GRAMD1C: variants seen among roughly 807,000 people sequenced by gnomAD.
GRAMD1C encodes GRAM domain containing 1C, also known as protein Aster-C.
Under a neutral mutation model 97.8 loss-of-function variants are expected in GRAMD1C, and 89 were observed. That is an observed-to-expected ratio of 0.91 (90% confidence interval 0.77 to 1.09). GRAMD1C has a LOEUF of 1.09. Among genes scored for constraint, GRAMD1C ranks in the 50% least tolerant of loss-of-function variants. The probability of loss-of-function intolerance (pLI) is 0.00; values close to 1 mark genes in which losing one functional copy is unlikely to be tolerated. For synonymous variants in GRAMD1C, 256 were observed against 267.0 expected, an observed-to-expected ratio of 0.96 and a Z score of 0.40; for missense variants, 740 against 766.4, an observed-to-expected ratio of 0.97 and a Z score of 0.41.
intron 4 of GRAMD1C, 25 bp from the exon 5 acceptor site, chr3:113,876,140 T>A: frequency 8.9e-7 from 1 of 1,118,788 alleles, no homozygotes; most frequent in East Asian, 2.3e-5. Flanking sequence ...GAAAAATACA[T>A]TAAAAAAATT....
intron 7 of GRAMD1C, among the ~76,000 whole-genome samples, chr3:113,903,600 A>T (rs1482286798): frequency 6.6e-6 from 1 of 152,102 alleles, no homozygotes; most frequent in Non-Finnish European, 1.5e-5. Context: ...TGGCCATATG[A>T]TCATTTGACA....
rs1441805311 is a variant in GRAMD1C at position 113,885,345 on chromosome 3, CGCT to C, written c.540+2516_540+2518del. 1.4e-5 allele frequency: 23 copies of C among 1,592,084 alleles called. 1 individual carries two copies. The highest frequency in any genetic ancestry group is 2.0e-5 in the Non-Finnish European group (23 of 1,162,736). ...TGGGACTGCGCACGTTCGTGGCCTTCGCTGCCAAGCTCTGGAGCTTCTTCATTT... is the reference window on the plus strand; with the variant it reads ...TGGGACTGCGCACGTTCGTGGCCTTCGCCAAGCTCTGGAGCTTCTTCATTT... On this transcript the variant is annotated intron_variant, in intron 6 of 17. Transcript: ENST00000358160.
intron 2 of GRAMD1C, among the ~76,000 whole-genome samples, chr3:113,853,117 A>G (rs911030542): frequency 2.6e-5 from 4 of 152,252 alleles, no homozygotes; most frequent in African/African-American, 9.6e-5. Flanking sequence ...AAGTAGTATA[A>G]ATGGATAGGA....
At chr3:113,934,935 G>A (rs1488155451) in intron 13 of GRAMD1C, among the ~76,000 whole-genome samples, 4 of 151,890 alleles carry the variant, frequency 2.6e-5, no homozygotes, top group African/African-American at 9.7e-5. Flanking sequence ...GTAGAGACGA[G>A]GTTTCACCAT....
intron 17 of GRAMD1C, 46 bp from the exon 18 acceptor site, chr3:113,945,352 T>C: frequency 8.0e-7 from 1 of 1,248,060 alleles, no homozygotes. Flanking sequence ...TTTTCAAATC[T>C]GATTAGAAAA....
chr3:113,940,430 C>A, intron 17 of GRAMD1C, 85 bp downstream of exon 17: 2 of 769,840 alleles, frequency 2.6e-6, no homozygotes, highest in Admixed American at 4.4e-5. Flanking sequence ...GAATATTTAC[C>A]CTACTATCGT....
chr3:113,921,890 A>G (rs1467782566), intron 10 of GRAMD1C, among the ~76,000 whole-genome samples: 2 of 151,820 alleles, frequency 1.3e-5, no homozygotes, highest in Non-Finnish European at 2.9e-5. Flanking sequence ...GTTTGTAAAT[A>G]TTTTCTCCCA....
chr3:113,851,631 G>A (rs1479412638), intron 2 of GRAMD1C, among the ~76,000 whole-genome samples: 3 of 149,712 alleles, frequency 2.0e-5, no homozygotes, highest in Non-Finnish European at 3.0e-5. Context: ...TGATTCTCCT[G>A]CCTCAGCCTC....
chr3:113,938,052 C>G, intron 14 of GRAMD1C, 34 bp from the exon 15 acceptor site: 1 of 1,115,908 alleles, frequency 9.0e-7, no homozygotes, highest in Non-Finnish European at 1.3e-6. Flanking sequence ...TCACAATTCT[C>G]ATTCTAATGC....
intron 2 of GRAMD1C, among the ~76,000 whole-genome samples, chr3:113,864,704 A>C (rs534214355): frequency 2.6e-5 from 4 of 152,312 alleles, no homozygotes; most frequent in African/African-American, 7.2e-5. Flanking sequence ...CCACATTTCT[A>C]CGGACGTTCT....
At chr3:113,929,432 C>A (rs1241823126) in intron 10 of GRAMD1C, among the ~76,000 whole-genome samples, 1 of 152,176 alleles carries the variant, frequency 6.6e-6, no homozygotes, top group Non-Finnish European at 1.5e-5. Flanking sequence ...ACAAGGGTAA[C>A]ATTCATGGGA....
intron 10 of GRAMD1C, among the ~76,000 whole-genome samples, chr3:113,923,100 C>A (rs975130480): frequency 6.6e-6 from 1 of 151,698 alleles, no homozygotes; most frequent in Non-Finnish European, 1.5e-5. Flanking sequence ...TATAGAAATG[C>A]TATTGATTTT....
intron 2 of GRAMD1C, among the ~76,000 whole-genome samples, chr3:113,857,698 T>G (rs1471975352): frequency 6.6e-6 from 1 of 152,132 alleles, no homozygotes; most frequent in Non-Finnish European, 1.5e-5. Context: ...TTTTAAGAGT[T>G]TTTAATCACA....
intron 6 of GRAMD1C, among the ~76,000 whole-genome samples, chr3:113,898,571 A>G (rs1936025201): frequency 1.3e-5 from 2 of 152,138 alleles, no homozygotes; most frequent in South Asian, 4.1e-4. Context: ...TCTACCACTA[A>G]TGGTCCTTTT....
intron 2 of GRAMD1C, among the ~76,000 whole-genome samples, chr3:113,857,378 CTTTTTT>C (rs58917498): frequency 7.8e-6 from 1 of 128,196 alleles, no homozygotes; most frequent in Non-Finnish European, 1.7e-5. Flanking sequence ...TCTTGTATTC[CTTTTTT>C]TTTTTTTTTG....
intron 2 of GRAMD1C, among the ~76,000 whole-genome samples, chr3:113,858,708 G>C (rs1049334443): frequency 1.3e-5 from 2 of 152,000 alleles, no homozygotes; most frequent in African/African-American, 4.8e-5. Context: ...AGCTACTTTT[G>C]TATTTTTAGT....
chr3:113,938,392 C>G, intron 15 of GRAMD1C: 1 of 311,766 alleles, frequency 3.2e-6, no homozygotes, highest in Non-Finnish European at 5.8e-6. Context: ...TTTAGCTAAT[C>G]TGATTAATTT....
intron 16 of GRAMD1C, 44 bp from the exon 17 acceptor site, chr3:113,940,196 C>A (rs773882760): frequency 1.8e-6 from 2 of 1,136,314 alleles, no homozygotes; most frequent in Non-Finnish European, 2.7e-6. Context: ...AAAAAAAGAT[C>A]AGAAGCTATT....
chr3:113,862,597 G>C (rs1156702089), intron 2 of GRAMD1C, among the ~76,000 whole-genome samples: 1 of 151,992 alleles, frequency 6.6e-6, no homozygotes, highest in Admixed American at 6.6e-5. Context: ...ATCATCACAG[G>C]GTCCTGAGGT....
Sources: allele counts gnomAD v4.1 joint callset (sites outside exome capture counted in the v4.1 genomes callset), GRCh38; gene constraint gnomAD v4.1.1; transcripts MANE v1.5; gene names NCBI Gene and HGNC (gene_info 2026-07-23, HGNC 2026-07-21).